VPS72: variants seen among roughly 807,000 people sequenced by gnomAD.
VPS72 encodes vacuolar protein sorting 72 homolog.
VPS72 carries 27 observed loss-of-function variants against 38.9 expected under a neutral mutation model. The ratio of observed to expected loss-of-function variants is 0.69; its 90% CI spans 0.51 to 0.96. The LOEUF is 0.96. VPS72 is among the 40% of genes least tolerant of loss of function. VPS72 has a pLI of 0.00. For synonymous variants in VPS72, 173 were observed against 186.3 expected (o/e 0.93, Z 0.58); for missense variants, 360 against 479.5 (o/e 0.75, Z 2.33).
At chr1:151,177,851 AAAAAG>A in intron 5 of VPS72, 145 bp downstream of exon 5, 1 of 1,005,094 alleles carries the variant, frequency 9.9e-7, no homozygotes, top group Non-Finnish European at 1.4e-6. Context: ...TCAAAAAAAA[AAAAAG>A]AAAAAGAAAT....
intron 5 of VPS72, 111 bp downstream of exon 5, chr1:151,177,890 T>G: frequency 7.8e-7 from 1 of 1,289,706 alleles, no homozygotes; most frequent in Non-Finnish European, 1.1e-6. Flanking sequence ...GTTAGGAATC[T>G]GAAAGAAATC....
chr1:151,184,287 T>C lies in VPS72; in HGVS notation c.562+30A>G, dbSNP rs762208738. The C allele has an allele frequency of 7.5e-5, 120 of 1,610,226 alleles. 1 individual carries two copies. Among genetic ancestry groups the C allele is most frequent in the South Asian group, 3.7e-4 (34 of 90,932 alleles). On this transcript the variant is annotated intron_variant, in intron 4 of 5. Coordinates refer to ENST00000368892, the MANE Select transcript of VPS72 (RefSeq NM_005997.3). The stretch of plus-strand genomic sequence containing the variant: ...TTTTTCTCATGCCCCTCAGCCCCTC[T>C]ACTCACTTTTTCTGAAACCACAGAC...
chr1:151,177,129 G>A, intron 5 of VPS72, 98 bp from the exon 6 acceptor site: 1 of 1,291,168 alleles, frequency 7.7e-7, no homozygotes, highest in Non-Finnish European at 1.0e-6. Context: ...GCTCACACCT[G>A]TAATTCCAGC....
At chr1:151,188,468 G>C (rs1313649226) in intron 1 of VPS72, among the ~76,000 whole-genome samples, 1 of 152,168 alleles carries the variant, frequency 6.6e-6, no homozygotes, top group East Asian at 1.9e-4. Context: ...GTGGAATTCT[G>C]ATGACTCTTC....
chr1:151,188,330 C>A (rs1684395805), intron 1 of VPS72, among the ~76,000 whole-genome samples: 1 of 152,212 alleles, frequency 6.6e-6, no homozygotes, highest in Non-Finnish European at 1.5e-5. Flanking sequence ...GCCACCACAC[C>A]CAGCCCCTAA....
intron 5 of VPS72, among the ~76,000 whole-genome samples, chr1:151,177,390 A>C (rs75672074): frequency 6.8e-6 from 1 of 148,138 alleles, no homozygotes; most frequent in East Asian, 2.0e-4. Context: ...TCCATCTCAA[A>C]AAAAAAAAAA....
chr1:151,179,052 T>G (rs1684178715), intron 4 of VPS72, among the ~76,000 whole-genome samples: 5 of 151,872 alleles, frequency 3.3e-5, no homozygotes, highest in Admixed American at 3.3e-4. Flanking sequence ...GAGGCCGAGG[T>G]GGGTGGATCA....
At chr1:151,185,733 T>C in intron 2 of VPS72, 65 bp downstream of exon 2, 1 of 1,611,310 alleles carries the variant, frequency 6.2e-7, no homozygotes, top group Non-Finnish European at 8.5e-7. Context: ...TAGGGAGTAC[T>C]GGGACCTGAT....
At chr1:151,186,568 A>G (rs901106046) in intron 1 of VPS72, among the ~76,000 whole-genome samples, 12 of 152,154 alleles carry the variant, frequency 7.9e-5, no homozygotes, top group Non-Finnish European at 1.3e-4. Context: ...CAAAAAGAAA[A>G]AAAAAAAAAA....
At chr1:151,183,714 G>A (rs587734035) in intron 4 of VPS72, among the ~76,000 whole-genome samples, 5 of 152,056 alleles carry the variant, frequency 3.3e-5, no homozygotes, top group African/African-American at 9.6e-5. Flanking sequence ...CACCCACCTT[G>A]GCCTCCCAAA....
In VPS72 at chr1:151,185,543, T is replaced by C; in HGVS notation, c.348A>G (p.Ala116=). The part of the protein sequence containing the change: ...GSSQKAREEK[A]LLPLELQDDG... ...CATCTTGTAGTTCTAATGGCAGTAG[T>C]GCCTTCTCTTCTCGCGCCTTCTGAG... The change falls in exon 3 of 6, where the codon GCA becomes GCG. Residue 116 remains alanine, a synonymous_variant. Transcript: ENST00000368892. 1 of 1,614,188 alleles carries C rather than the reference T, an allele frequency of 6.2e-7. No homozygotes were observed. Among genetic ancestry groups the C allele is most frequent in the Non-Finnish European group, 8.5e-7 (1 of 1,180,034 alleles).
Position 151,185,816 on chromosome 1 carries a change from T to C in VPS72, c.252A>G (p.Val84=), listed in dbSNP as rs780456410. The stretch of plus-strand genomic sequence containing the variant: ...CCTGTACCTTATAGGCCTTGGTGAC[T>C]ACTCGGCGCTTCCTTCTTGGCTCTT... The part of the protein sequence containing the change: ...EAEEPRRKRR[V]VTKAYKEPLK... Residue 84 remains valine (V), a synonymous_variant, in exon 2 of 6, where the codon GTA becomes GTG. Transcript: ENST00000368892. 1.2e-6 allele frequency: 2 copies of C among 1,614,192 alleles called. No homozygotes were observed. The highest frequency in any genetic ancestry group is 1.1e-5 in the South Asian group (1 of 91,082).
intron 1 of VPS72, 37 bp from the exon 2 acceptor site, chr1:151,185,987 G>A (rs1458723813): frequency 6.2e-7 from 1 of 1,609,474 alleles, no homozygotes; most frequent in African/African-American, 1.3e-5. Flanking sequence ...GCTGGCAATG[G>A]AAGCCTTAAT....
intron 1 of VPS72, among the ~76,000 whole-genome samples, chr1:151,189,199 G>A (rs930207633): frequency 1.3e-5 from 2 of 152,192 alleles, no homozygotes; most frequent in Non-Finnish European, 2.9e-5. Flanking sequence ...ACTGGGGCAT[G>A]GAGTATGTAA....
At chr1:151,183,992 A>G (rs1033168147) in intron 4 of VPS72, among the ~76,000 whole-genome samples, 3 of 151,850 alleles carry the variant, frequency 2.0e-5, no homozygotes, top group Non-Finnish European at 2.9e-5. Flanking sequence ...CTGAGTCATT[A>G]GGTATATACC....
intron 4 of VPS72, among the ~76,000 whole-genome samples, chr1:151,183,089 G>C (rs1684273638): frequency 6.6e-6 from 1 of 152,044 alleles, no homozygotes; most frequent in African/African-American, 2.4e-5. Flanking sequence ...CACTGAACTT[G>C]CTCCTCCTTC....
chr1:151,177,387 C>CA lies in VPS72; in HGVS notation c.708-357dup, dbSNP rs11350080. Among the ~76,000 whole-genome samples the CA allele has an allele frequency of 5.8e-3, 593 of 102,802 alleles. 5 individuals are homozygous for CA. The highest frequency in any genetic ancestry group is 0.019 in the African/African-American group (520 of 26,672). 67.4% of individuals were successfully genotyped at this position (102,802 alleles called of 152,430 possible). A position where few individuals can be genotyped will look rare whatever the true frequency, so the allele number is the denominator to read the frequency against. ...GTGACAGAGCAGCGAGACTCCATCT[C>CA]AAAAAAAAAAAAAAAAGAAAAGAAA... On this transcript the variant is annotated intron_variant, in intron 5 of 5. Transcript: ENST00000368892.
chr1:151,190,099 G>A lies in VPS72; in HGVS notation c.23C>T (p.Ala8Val), dbSNP rs771239889. 2.9e-5 allele frequency: 46 copies of A among 1,613,826 alleles called. No homozygotes were observed. The highest frequency in any genetic ancestry group is 1.8e-5 in the Non-Finnish European group (21 of 1,179,998). MSLAGGR[A>V]PRKTAGNRLS... ...CCGGTTCCCAGCGGTCTTCCGGGGT[G>A]CCCGGCCCCCAGCCAAACTCATACC... The change falls in exon 1 of 6, where the codon GCA (alanine) becomes GTA (valine). Residue 8 changes from alanine to valine, a missense_variant. Ala to Val is a moderately conservative substitution (Grantham distance 64). Around this residue, in one of 2 missense-constraint regions of VPS72, gnomAD observed 66 missense variants for 123.1 expected, o/e 0.54. Transcript: ENST00000368892.
chr1:151,189,410 G>A (rs978931068), intron 1 of VPS72, among the ~76,000 whole-genome samples: 2 of 152,160 alleles, frequency 1.3e-5, no homozygotes, highest in African/African-American at 2.4e-5. Context: ...AGTTTACAAT[G>A]CAATAGAAAA....
Sources: allele counts gnomAD v4.1 joint callset (sites outside exome capture counted in the v4.1 genomes callset), GRCh38; gene constraint gnomAD v4.1.1; regional missense constraint gnomAD v4.1.1; transcripts MANE v1.5; gene names NCBI Gene and HGNC (gene_info 2026-07-23, HGNC 2026-07-21).